Variants in ATP5MG observed in about 807,000 individuals in gnomAD.
ATP5MG encodes the protein ATP synthase F(0) complex subunit g, mitochondrial.
ATP5MG carries 7 observed loss-of-function variants against 12.7 expected under a neutral mutation model. The observed-to-expected ratio is 0.55, with a 90% CI of 0.31 to 1.04. The LOEUF (loss-of-function observed/expected upper bound fraction) is 1.04, where lower values mean the gene tolerates loss of function less well. Ranked by LOEUF, ATP5MG falls within the 50% of genes least tolerant of loss-of-function variation. The pLI is 0.05. For synonymous variants in ATP5MG, 53 were observed against 48.2 expected, an observed-to-expected ratio of 1.10 and a Z score of -0.41; for missense variants, 116 against 126.7, an observed-to-expected ratio of 0.92 and a Z score of 0.41.
chr11:118,404,787 T>G (rs1429645677), intron 1 of ATP5MG, among the ~76,000 whole-genome samples: 6 of 152,210 alleles, frequency 3.9e-5, no homozygotes, highest in Admixed American at 3.9e-4. Flanking sequence ...GTGATTACAG[T>G]GGGGGGATTC....
chr11:118,405,556 A>ATT (rs563946825), intron 1 of ATP5MG: 27 of 619,422 alleles, frequency 4.4e-5, no homozygotes, highest in Non-Finnish European at 5.2e-5. Flanking sequence ...ATACTGATTC[A>ATT]TTTTTTTTTT....
At chr11:118,406,714 T>G in intron 1 of ATP5MG, 1 of 587,788 alleles carries the variant, frequency 1.7e-6, no homozygotes, top group Non-Finnish European at 2.9e-6. Flanking sequence ...GCTTATAGCA[T>G]CCTGCCTGAT....
intron 1 of ATP5MG, chr11:118,405,556 ATT>A: frequency 3.2e-6 from 2 of 619,760 alleles, no homozygotes; most frequent in Non-Finnish European, 4.0e-6. Context: ...ATACTGATTC[ATT>A]TTTTTTTTAA....
In ATP5MG at chr11:118,409,812, A is replaced by G. The variant is rs1400679767; in HGVS notation, c.*714A>G. ...AGCATCTTCCCTGGATCTAAATAGT[A>G]TATTATATCCTGAAATAAATGAAAT... is the stretch of plus-strand genomic sequence containing the variant. On this transcript the variant is annotated 3_prime_UTR_variant, in exon 3 of 3. Coordinates refer to ENST00000300688, the MANE Select transcript of ATP5MG (RefSeq NM_006476.5). The G allele has an allele frequency of 1.3e-5, 2 of 152,232 alleles. No individual in the cohort carries two copies. The highest frequency in any genetic ancestry group is 4.8e-5 in the African/African-American group (2 of 41,466). 9.4% of individuals were successfully genotyped at this position (152,232 alleles called of 1,614,324 possible).
chr11:118,402,978 G>C (rs528042309), intron 1 of ATP5MG, among the ~76,000 whole-genome samples: 2 of 152,070 alleles, frequency 1.3e-5, no homozygotes, highest in African/African-American at 4.8e-5. Flanking sequence ...AGAGTTACAG[G>C]TGTGAGCCAC....
In ATP5MG at chr11:118,401,671, C is replaced by T. The variant is rs1948927562; in HGVS notation, c.6C>T (p.Ala2=). 1 of 1,614,088 alleles carries T rather than the reference C, an allele frequency of 6.2e-7. No homozygotes were observed. The highest frequency in any genetic ancestry group is 8.5e-7 in the Non-Finnish European group (1 of 1,179,996). Residue 2 remains alanine, a synonymous_variant, in exon 1 of 3, where the codon GCC becomes GCT. Coordinates refer to ENST00000300688, the MANE Select transcript of ATP5MG (RefSeq NM_006476.5). ...GGACTCTCCATTCCAGAACCATGGC[C>T]CAATTTGTCCGTAACCTTGTGGAGA... M[A]QFVRNLVEKT...
chr11:118,401,984 G>A (rs1555131191), intron 1 of ATP5MG: 1 of 441,692 alleles, frequency 2.3e-6, no homozygotes, highest in Non-Finnish European at 4.0e-6. Context: ...AGGAAGCCCG[G>A]CGTTGCCCGG....
intron 1 of ATP5MG, among the ~76,000 whole-genome samples, chr11:118,404,864 C>T (rs1948958870): frequency 6.6e-6 from 1 of 152,160 alleles, no homozygotes; most frequent in African/African-American, 2.4e-5. Flanking sequence ...GTCTCTTCTC[C>T]ATTTATTTAT....
chr11:118,409,453 A>G lies in ATP5MG; in HGVS notation c.*355A>G, dbSNP rs942287792. On this transcript the variant is annotated 3_prime_UTR_variant, in exon 3 of 3. Coordinates refer to ENST00000300688, the MANE Select transcript of ATP5MG (RefSeq NM_006476.5). ...TGGGAAAACTATAACTTGCCAAAGTAGAAGAAATAGTAGTACCATATGCCA... is the reference window on the plus strand; with the variant it reads ...TGGGAAAACTATAACTTGCCAAAGTGGAAGAAATAGTAGTACCATATGCCA... The G allele has an allele frequency of 2.6e-5, 4 of 153,834 alleles. No homozygotes were observed. The highest frequency in any genetic ancestry group is 9.6e-5 in the African/African-American group (4 of 41,522). The allele number at this position is 153,834 out of a possible 1,614,324, so 9.5% of individuals were successfully genotyped here. A position where few individuals can be genotyped will look rare whatever the true frequency, so the allele number is the denominator to read the frequency against.
chr11:118,407,859 A>G (rs146922649), intron 2 of ATP5MG, among the ~76,000 whole-genome samples: 1,771 of 151,986 alleles, frequency 0.012, 23 homozygotes, highest in African/African-American at 0.038. Flanking sequence ...GTAAGACCCT[A>G]TCTCTTAAAA....
intron 2 of ATP5MG, among the ~76,000 whole-genome samples, chr11:118,408,080 A>T (rs1948988123): frequency 1.3e-5 from 2 of 151,996 alleles, no homozygotes; most frequent in Non-Finnish European, 2.9e-5. Context: ...GAGAATGGCA[A>T]GAACCTGGGA....
In ATP5MG at chr11:118,402,300, A is replaced by G. The variant is rs1948934777; in HGVS notation, c.52+583A>G. On this transcript the variant is annotated intron_variant, in intron 1 of 2. Coordinates refer to ENST00000300688, the MANE Select transcript of ATP5MG (RefSeq NM_006476.5). ...GATGAGTATCCATGCCCCGAGAAGC[A>G]TAGGACGGGATCCGTATAAACAATA... is the stretch of plus-strand genomic sequence containing the variant. Among the ~76,000 whole-genome samples, 3 of 152,198 alleles carry G rather than the reference A, an allele frequency of 2.0e-5. No individual in the cohort carries two copies. In the South Asian group the frequency reaches 6.2e-4, roughly 32 times the overall value.
At chr11:118,408,510 A>G (rs1001185452) in intron 2 of ATP5MG, among the ~76,000 whole-genome samples, 3 of 152,252 alleles carry the variant, frequency 2.0e-5, no homozygotes, top group South Asian at 4.1e-4. Flanking sequence ...CCAGATACTT[A>G]GTCAGAGTTA....
At chr11:118,401,778 C>G in intron 1 of ATP5MG, 61 bp downstream of exon 1, 2 of 1,580,668 alleles carry the variant, frequency 1.3e-6, no homozygotes, top group Non-Finnish European at 1.7e-6. Context: ...CTGCGATGGC[C>G]TGAGAGGAAG....
chr11:118,404,954 A>G (rs921960789), intron 1 of ATP5MG, among the ~76,000 whole-genome samples: 10 of 152,196 alleles, frequency 6.6e-5, no homozygotes, highest in Non-Finnish European at 1.5e-4. Flanking sequence ...AAATTATTTC[A>G]GCCTTGGCTA....
At chr11:118,402,301 T>C (rs1309581689) in intron 1 of ATP5MG, among the ~76,000 whole-genome samples, 5 of 152,124 alleles carry the variant, frequency 3.3e-5, no homozygotes, top group Non-Finnish European at 2.9e-5. Flanking sequence ...CCGAGAAGCA[T>C]AGGACGGGAT....
chr11:118,408,118 C>T (rs1270912616), intron 2 of ATP5MG, among the ~76,000 whole-genome samples: 2 of 151,678 alleles, frequency 1.3e-5, no homozygotes, highest in Non-Finnish European at 2.9e-5. Context: ...GCCGAGATCG[C>T]GCCACTGCAC....
rs539160800 is a variant in ATP5MG, at chr11:118,408,612, A to G, written c.214-388A>G. On this transcript the variant is annotated intron_variant, in intron 2 of 2. Coordinates refer to ENST00000300688, the MANE Select transcript of ATP5MG (RefSeq NM_006476.5). ...TTTCTTTTGCCAGACAAAAATGTCTATTCAGAGACTCGGCCTTCCTATAGC... is the reference window on the plus strand; with the variant it reads ...TTTCTTTTGCCAGACAAAAATGTCTGTTCAGAGACTCGGCCTTCCTATAGC... Among the ~76,000 whole-genome samples the G allele has an allele frequency of 4.1e-3, 632 of 152,314 alleles. 5 individuals are homozygous for G. Among genetic ancestry groups the G allele is most frequent in the African/African-American group, 0.014 (595 of 41,564 alleles).
chr11:118,405,239 T>G (rs781798410), intron 1 of ATP5MG, among the ~76,000 whole-genome samples: 30 of 152,236 alleles, frequency 2.0e-4, no homozygotes, highest in Non-Finnish European at 3.8e-4. Flanking sequence ...TGTGTGTATG[T>G]GTATATACAT....
Sources: allele counts gnomAD v4.1 joint callset (sites outside exome capture counted in the v4.1 genomes callset), GRCh38; gene constraint gnomAD v4.1.1; transcripts MANE v1.5; gene names NCBI Gene and HGNC (gene_info 2026-07-23, HGNC 2026-07-21).